Variants in LSM14A observed in about 807,000 individuals in gnomAD.
LSM14A encodes the protein LSM14A mRNA processing body assembly factor.
LSM14A carries 14 observed loss-of-function variants against 52.4 expected under a neutral mutation model. The ratio of observed to expected loss-of-function variants is 0.27; its 90% confidence interval spans 0.18 to 0.42. The LOEUF is 0.42. Ranked by LOEUF, LSM14A falls within the 10% of genes least tolerant of loss-of-function variation. The pLI is 1.00. For missense variants in LSM14A, 417 were observed against 581.8 expected (o/e 0.72, Z 2.91); for synonymous variants, 185 against 200.3 (o/e 0.92, Z 0.64).
intron 3 of LSM14A, among the ~76,000 whole-genome samples, chr19:34,207,982 G>T (rs936630387): frequency 7.2e-5 from 11 of 152,232 alleles, no homozygotes; most frequent in African/African-American, 2.6e-4. Context: ...AATTGCAAGG[G>T]GCATGATTGT....
chr19:34,223,427 C>G (rs1008788277), intron 9 of LSM14A, among the ~76,000 whole-genome samples: 1 of 152,140 alleles, frequency 6.6e-6, no homozygotes, highest in Non-Finnish European at 1.5e-5. Flanking sequence ...CTATGTGTTT[C>G]TGCACCGCAT....
At chr19:34,173,106 C>G (rs1599648004) in intron 1 of LSM14A, among the ~76,000 whole-genome samples, 1 of 152,232 alleles carries the variant, frequency 6.6e-6, no homozygotes. Context: ...AAAACAAAGC[C>G]GGAGTATTCA....
chr19:34,177,707 G>A (rs1045135487), intron 1 of LSM14A, among the ~76,000 whole-genome samples: 2 of 149,908 alleles, frequency 1.3e-5, no homozygotes, highest in African/African-American at 4.9e-5. Context: ...CGGCAATACA[G>A]GGAGACTCCA....
intron 3 of LSM14A, among the ~76,000 whole-genome samples, chr19:34,208,004 G>GT (rs1222919331): frequency 9.9e-5 from 15 of 152,184 alleles, no homozygotes; most frequent in Admixed American, 9.8e-4. Flanking sequence ...ATCTTCATGT[G>GT]TTTTAGGAGC....
Position 34,192,319 on chromosome 19 carries a change from G to GTTTTTTTTTTTTTTTTTTTT in LSM14A, c.122-2155_122-2136dup, listed in dbSNP as rs71165632. 6.0e-4 allele frequency among the ~76,000 whole-genome samples: 32 copies of GTTTTTTTTTTTTTTTTTTTT among 53,406 alleles called. 2 individuals carry two copies. The highest frequency in any genetic ancestry group is 9.7e-4 in the African/African-American group (12 of 12,360). The allele number at this position is 53,406 out of a possible 152,430, so 35.0% of individuals were successfully genotyped here. On this transcript the variant is annotated intron_variant, in intron 1 of 9. Transcript: ENST00000544216. ...ACACTGAAATAACATTCTTTTTGTTGTTTTTTTTTTTTTTTTTTTTTTTGG... is the reference window on the plus strand; with the variant it reads ...ACACTGAAATAACATTCTTTTTGTTGTTTTTTTTTTTTTTTTTTTTTTTTTTTTTTTTTTTTTTTTTTTGG...
At position 34,208,944 on chromosome 19, in the gene LSM14A, C is replaced by A; in HGVS notation, c.431C>A (p.Thr144Lys). Residue 144 changes from threonine to lysine, a missense_variant, in exon 4 of 10, where the codon ACA becomes AAA. By Grantham distance (78) the Thr-to-Lys change is moderately conservative. Coordinates refer to ENST00000544216, the MANE Select transcript of LSM14A (RefSeq NM_015578.4). ...TCTCTTTAAGCTGGAAGCTCTTTGACATCCTTTGGAACAGAAACATCAAAC... is the reference window on the plus strand; with the variant it reads ...TCTCTTTAAGCTGGAAGCTCTTTGAAATCCTTTGGAACAGAAACATCAAAC... ...GAVGVAGSSLTSFGTETSNSG... is the reference protein window; with the variant it reads ...GAVGVAGSSLKSFGTETSNSG... 6.3e-7 allele frequency: 1 copy of A among 1,599,350 alleles called. No homozygotes were observed. The highest frequency in any genetic ancestry group is 8.5e-7 in the Non-Finnish European group (1 of 1,173,624).
rs943666891 is a variant in LSM14A at position 34,194,126 on chromosome 19, C to T, written c.122-352C>T. 1.6e-4 allele frequency among the ~76,000 whole-genome samples: 24 copies of T among 152,220 alleles called. 2 individuals carry two copies. In the East Asian group the frequency reaches 3.3e-3, roughly 21 times the overall value. ...AAGCTGAGGCTGCAGGAAGCCATGA[C>T]CACACCACTGCACTCCAGCCTAGGG... On this transcript the variant is annotated intron_variant, in intron 1 of 9. Coordinates refer to ENST00000544216, the MANE Select transcript of LSM14A (RefSeq NM_015578.4).
chr19:34,172,808 C>T (rs2145422369), intron 1 of LSM14A, 45 bp downstream of exon 1: 5 of 1,514,396 alleles, frequency 3.3e-6, no homozygotes, highest in Non-Finnish European at 4.4e-6. Flanking sequence ...CCGGGCGCCG[C>T]TCGGGGCTGC....
At chr19:34,221,037 G>A (rs1242220675) in intron 8 of LSM14A, among the ~76,000 whole-genome samples, 1 of 150,658 alleles carries the variant, frequency 6.6e-6, no homozygotes, top group Non-Finnish European at 1.5e-5. Context: ...GGAACATATT[G>A]AACTCATATG....
intron 7 of LSM14A, 57 bp downstream of exon 7, chr19:34,219,630 T>G (rs2072918070): frequency 6.4e-7 from 1 of 1,567,324 alleles, no homozygotes; most frequent in Non-Finnish European, 8.7e-7. Flanking sequence ...GAATTACAGA[T>G]GTTTCTCAGA....
At chr19:34,216,256 A>G (rs2072579964) in intron 6 of LSM14A, among the ~76,000 whole-genome samples, 1 of 151,968 alleles carries the variant, frequency 6.6e-6, no homozygotes. Context: ...CACTAAAAAT[A>G]CAAAAAATTA....
At chr19:34,214,508 C>T (rs1311320348) in intron 4 of LSM14A, among the ~76,000 whole-genome samples, 1 of 152,056 alleles carries the variant, frequency 6.6e-6, no homozygotes, top group African/African-American at 2.4e-5. Flanking sequence ...AGGGTTTCGC[C>T]ATGTTGCCTA....
chr19:34,175,656 C>T (rs182477336), intron 1 of LSM14A, among the ~76,000 whole-genome samples: 1 of 152,276 alleles, frequency 6.6e-6, no homozygotes, highest in East Asian at 1.9e-4. Flanking sequence ...TCGAAAACTA[C>T]ATTATAACTG....
At position 34,185,792 on chromosome 19, in the gene LSM14A, C is replaced by CAT. The variant is rs2069860242; in HGVS notation, c.122-8678_122-8677dup. Among the ~76,000 whole-genome samples the CAT allele has an allele frequency of 3.3e-5, 5 of 152,150 alleles. No individual in the cohort carries two copies. In the South Asian group the frequency reaches 1.0e-3, roughly 32 times the overall value. On this transcript the variant is annotated intron_variant, in intron 1 of 9. Transcript: ENST00000544216. ...TGGCACCGAATGGACAAGAGCTGTACATATATATAAATGTCAGAAAGAGAA... is the reference window on the plus strand; with the variant it reads ...TGGCACCGAATGGACAAGAGCTGTACATATATATATAAATGTCAGAAAGAGAA...
chr19:34,221,305 A>G, intron 8 of LSM14A: 2 of 572,066 alleles, frequency 3.5e-6, no homozygotes, highest in Middle Eastern at 4.8e-4. Context: ...CTAGTCTCGA[A>G]CTCCTGACTT....
chr19:34,213,871 C>G (rs2072354090), intron 4 of LSM14A, among the ~76,000 whole-genome samples: 1 of 152,220 alleles, frequency 6.6e-6, no homozygotes, highest in East Asian at 1.9e-4. Flanking sequence ...ACCTCTGCCT[C>G]CCAGGCTCAA....
intron 3 of LSM14A, among the ~76,000 whole-genome samples, chr19:34,203,498 C>T (rs118177307): frequency 0.016 from 2,504 of 152,058 alleles, 33 homozygotes; most frequent in Middle Eastern, 0.027. Flanking sequence ...GGATGTTAAA[C>T]TAAGGATTAT....
At chr19:34,201,682 C>G (rs757930063) in intron 3 of LSM14A, among the ~76,000 whole-genome samples, 4 of 152,096 alleles carry the variant, frequency 2.6e-5, no homozygotes, top group Non-Finnish European at 4.4e-5. Flanking sequence ...ACATTTTAAG[C>G]TAGGCCTCTT....
At chr19:34,194,087 C>G (rs75797599) in intron 1 of LSM14A, among the ~76,000 whole-genome samples, 1 of 152,090 alleles carries the variant, frequency 6.6e-6, no homozygotes, top group South Asian at 2.1e-4. Flanking sequence ...ATAGAAGGAT[C>G]GCCTGAGCCC....
Sources: gnomAD v4.1 joint callset for allele counts (sites outside exome capture counted in the v4.1 genomes callset) on GRCh38, gnomAD v4.1.1 for gene constraint, MANE v1.5 for transcripts, NCBI Gene and HGNC (gene_info 2026-07-23, HGNC 2026-07-21) for gene names.